The following IGF2BP2 variants were observed in gnomAD, a reference collection of about 807,000 sequenced individuals.
IGF2BP2 encodes insulin like growth factor 2 mRNA binding protein 2.
IGF2BP2 carries 17 observed loss-of-function variants against 75.8 expected under a neutral mutation model. The observed-to-expected ratio is 0.22, with a 90% CI of 0.15 to 0.34. The LOEUF (loss-of-function observed/expected upper bound fraction) is 0.34. Among genes scored for constraint, IGF2BP2 ranks in the 10% least tolerant of loss-of-function variants. The pLI is 1.00. For missense variants in IGF2BP2, 516 were observed against 772.4 expected (o/e 0.67, Z 3.93); for synonymous variants, 288 against 295.6 (o/e 0.97, Z 0.26).
intron 2 of IGF2BP2, among the ~76,000 whole-genome samples, chr3:185,816,175 G>A (rs977894160): frequency 1.3e-5 from 2 of 152,124 alleles, no homozygotes; most frequent in African/African-American, 2.4e-5. Flanking sequence ...GTCTTGACCC[G>A]GGTGACAGTT....
At chr3:185,704,503 G>A (rs1723739846) in intron 2 of IGF2BP2, among the ~76,000 whole-genome samples, 1 of 152,110 alleles carries the variant, frequency 6.6e-6, no homozygotes, top group Non-Finnish European at 1.5e-5. Flanking sequence ...ATGCTGCAGT[G>A]CAGTGGCGTG....
chr3:185,815,066 G>A (rs1345011625), intron 2 of IGF2BP2, among the ~76,000 whole-genome samples: 1 of 151,318 alleles, frequency 6.6e-6, no homozygotes, highest in Non-Finnish European at 1.5e-5. Context: ...ATATATATCT[G>A]GGTCAAAGGC....
intron 2 of IGF2BP2, among the ~76,000 whole-genome samples, chr3:185,714,087 C>T (rs539727414): frequency 6.6e-6 from 1 of 152,168 alleles, no homozygotes; most frequent in Non-Finnish European, 1.5e-5. Context: ...ATACTTCAGT[C>T]CTCCAGGTCC....
chr3:185,795,741 T>C (rs1013967680), intron 2 of IGF2BP2, among the ~76,000 whole-genome samples: 2 of 151,506 alleles, frequency 1.3e-5, no homozygotes, highest in African/African-American at 4.9e-5. Context: ...ATTAGCTGGG[T>C]GTGGTGGCGC....
chr3:185,668,380 CAT>C (rs1467275458), intron 10 of IGF2BP2, among the ~76,000 whole-genome samples: 1 of 151,294 alleles, frequency 6.6e-6, no homozygotes, highest in Non-Finnish European at 1.5e-5. Context: ...AATGTGTAAA[CAT>C]AACTACTACA....
intron 2 of IGF2BP2, among the ~76,000 whole-genome samples, chr3:185,713,970 G>A (rs1725207172): frequency 6.6e-6 from 1 of 152,146 alleles, no homozygotes; most frequent in Admixed American, 6.5e-5. Context: ...CAAAGTGCTG[G>A]GATTACAGGC....
chr3:185,793,998 G>A (rs1377193212), intron 2 of IGF2BP2, among the ~76,000 whole-genome samples: 1 of 136,840 alleles, frequency 7.3e-6, no homozygotes, highest in African/African-American at 2.8e-5. Context: ...TTGCTCTGTC[G>A]CCCAGGCTAG....
chr3:185,729,183 C>A (rs1225174523), intron 2 of IGF2BP2, among the ~76,000 whole-genome samples: 2 of 151,970 alleles, frequency 1.3e-5, no homozygotes, highest in Non-Finnish European at 2.9e-5. Flanking sequence ...GGAAAGTATG[C>A]AGAAAACACT....
At chr3:185,774,220 G>A (rs954570982) in intron 2 of IGF2BP2, among the ~76,000 whole-genome samples, 12 of 152,162 alleles carry the variant, frequency 7.9e-5, no homozygotes, top group African/African-American at 2.9e-4. Flanking sequence ...CGGTTACACA[G>A]GGCTTGCATG....
intron 2 of IGF2BP2, chr3:185,722,289 T>C (rs924442562): frequency 4.4e-6 from 2 of 455,948 alleles, no homozygotes; most frequent in African/African-American, 2.0e-5. Flanking sequence ...AAAGAGGAAA[T>C]CACCATCAGG....
At chr3:185,710,461 G>C (rs978030001) in intron 2 of IGF2BP2, among the ~76,000 whole-genome samples, 1 of 152,156 alleles carries the variant, frequency 6.6e-6, no homozygotes, top group Non-Finnish European at 1.5e-5. Flanking sequence ...GGCCAGGAGC[G>C]ATGGCTCACG....
intron 2 of IGF2BP2, among the ~76,000 whole-genome samples, chr3:185,796,275 G>A (rs1222440454): frequency 6.6e-6 from 1 of 151,988 alleles, no homozygotes; most frequent in Non-Finnish European, 1.5e-5. Context: ...AAGAGCTCCA[G>A]GGATAGGCGG....
chr3:185,722,991 G>A (rs904555678), intron 2 of IGF2BP2, among the ~76,000 whole-genome samples: 27 of 152,082 alleles, frequency 1.8e-4, no homozygotes, highest in African/African-American at 6.0e-4. Context: ...GTTCCCAAAG[G>A]GGTATGTCAT....
intron 15 of IGF2BP2, 82 bp downstream of exon 15, chr3:185,646,943 G>A: frequency 9.6e-7 from 1 of 1,037,584 alleles, no homozygotes; most frequent in Non-Finnish European, 1.5e-6. Context: ...CAGGGCCTGT[G>A]GCCACCTGAC....
intron 2 of IGF2BP2, among the ~76,000 whole-genome samples, chr3:185,745,620 T>G (rs932816653): frequency 6.6e-6 from 1 of 152,178 alleles, no homozygotes; most frequent in African/African-American, 2.4e-5. Flanking sequence ...TCCAACCGTC[T>G]TCTGTCTGTC....
chr3:185,739,509 G>A (rs1223611191), intron 2 of IGF2BP2, among the ~76,000 whole-genome samples: 1 of 152,102 alleles, frequency 6.6e-6, no homozygotes, highest in East Asian at 1.9e-4. Context: ...TGACAGCCTG[G>A]CTTTCTCCTG....
chr3:185,649,773 GC>G (rs923328300), intron 13 of IGF2BP2, among the ~76,000 whole-genome samples: 13 of 152,364 alleles, frequency 8.5e-5, no homozygotes, highest in Middle Eastern at 3.4e-3. Flanking sequence ...TTGGTGGTTT[GC>G]ACAAGACTGC....
At chr3:185,670,964 G>T (rs1386600553) in intron 10 of IGF2BP2, among the ~76,000 whole-genome samples, 1 of 152,192 alleles carries the variant, frequency 6.6e-6, no homozygotes, top group African/African-American at 2.4e-5. Context: ...AACGTTTGAG[G>T]TTATCTTCTG....
chr3:185,678,916 T>C (rs780720451), intron 7 of IGF2BP2, among the ~76,000 whole-genome samples: 2 of 152,188 alleles, frequency 1.3e-5, no homozygotes, highest in African/African-American at 2.4e-5. Flanking sequence ...TTTTAGTCTA[T>C]TCATCTGATA....
Sources: allele counts gnomAD v4.1 joint callset (sites outside exome capture counted in the v4.1 genomes callset), GRCh38; gene constraint gnomAD v4.1.1; transcripts MANE v1.5; gene names NCBI Gene and HGNC (gene_info 2026-07-23, HGNC 2026-07-21).